LRP8: variants seen among roughly 807,000 people sequenced by gnomAD.
LRP8 encodes low-density lipoprotein receptor-related protein 8.
Under a neutral mutation model 111.6 loss-of-function variants are expected in LRP8, and 46 were observed. The observed-to-expected ratio is 0.41, with a 90% CI of 0.33 to 0.53. The LOEUF is 0.53. LRP8 is among the 20% of genes least tolerant of loss of function. The probability of loss-of-function intolerance (pLI) is 0.20; values close to 1 mark genes in which losing one functional copy is unlikely to be tolerated. For missense variants in LRP8, 959 were observed against 1,297.4 expected (o/e 0.74, Z 4.01); for synonymous variants, 464 against 511.2 (o/e 0.91, Z 1.24).
intron 2 of LRP8, among the ~76,000 whole-genome samples, chr1:53,309,503 T>C (rs1572656788): frequency 6.6e-6 from 1 of 151,836 alleles, no homozygotes; most frequent in Non-Finnish European, 1.5e-5. Context: ...CTGTGTGACG[T>C]TGGGGGAAGA....
chr1:53,270,973 C>T (rs1051126501), intron 8 of LRP8, 55 bp downstream of exon 8: 49 of 1,612,264 alleles, frequency 3.0e-5, no homozygotes, highest in Middle Eastern at 1.7e-4. Flanking sequence ...AGTGGAAGCA[C>T]GCTGCTTCCT....
At chr1:53,247,508 C>G (rs1645764147) in intron 18 of LRP8, among the ~76,000 whole-genome samples, 2 of 152,166 alleles carry the variant, frequency 1.3e-5, no homozygotes, top group Non-Finnish European at 2.9e-5. Context: ...ATATACTGCA[C>G]CTTCCCAACA....
At chr1:53,302,427 C>T (rs1050108570) in intron 2 of LRP8, among the ~76,000 whole-genome samples, 2 of 152,116 alleles carry the variant, frequency 1.3e-5, no homozygotes, top group Non-Finnish European at 2.9e-5. Flanking sequence ...TTGGAGACCA[C>T]CAAGGTCGGT....
rs896669906 is a variant in LRP8 at position 53,242,394 on chromosome 1, G to C, written c.*4624C>G. 1 of 151,992 alleles carries C rather than the reference G, an allele frequency of 6.6e-6. No individual in the cohort carries two copies. Among genetic ancestry groups the C allele is most frequent in the Non-Finnish European group, 1.5e-5 (1 of 68,016 alleles). The allele number at this position is 151,992 out of a possible 1,614,324, so 9.4% of individuals were successfully genotyped here. A position where few individuals can be genotyped will look rare whatever the true frequency, so the allele number is the denominator to read the frequency against. Reference sequence around the variant, plus strand: ...TTTAAATGAATTTAATCTCTCTCTAGAAACAGTGCACTGATTTTACAAATG... The same window carrying C: ...TTTAAATGAATTTAATCTCTCTCTACAAACAGTGCACTGATTTTACAAATG... On this transcript the variant is annotated 3_prime_UTR_variant, in exon 19 of 19. Coordinates refer to ENST00000306052, the MANE Select transcript of LRP8 (RefSeq NM_004631.5).
Position 53,262,614 on chromosome 1 carries a change from G to A in LRP8, c.1656-50C>T. On this transcript the variant is annotated intron_variant, in intron 10 of 18. Coordinates refer to ENST00000306052, the MANE Select transcript of LRP8 (RefSeq NM_004631.5). This position sits in a 1 kb window ranked among gnomAD's most constrained non-coding sequence, Gnocchi z 4.8. ...GCCTTCTTGCTGGGGACATGACCGG[G>A]GTGGTCTGAGTCACAAGAGCTCAAT... is the stretch of plus-strand genomic sequence containing the variant. 1 of 1,467,044 alleles carries A rather than the reference G, an allele frequency of 6.8e-7. No homozygotes were observed. Among genetic ancestry groups the A allele is most frequent in the Middle Eastern group, 1.7e-4 (1 of 5,788 alleles). 90.9% of individuals were successfully genotyped at this position (1,467,044 alleles called of 1,614,324 possible). A position where few individuals can be genotyped will look rare whatever the true frequency, so the allele number is the denominator to read the frequency against.
At chr1:53,327,048 A>C in intron 1 of LRP8, 56 bp from the exon 2 acceptor site, 1 of 1,595,574 alleles carries the variant, frequency 6.3e-7, no homozygotes, top group South Asian at 1.1e-5. Flanking sequence ...ACTCCCCACC[A>C]TGCAGTCCGG....
At chr1:53,313,023 T>C (rs1653284967) in intron 2 of LRP8, among the ~76,000 whole-genome samples, 1 of 152,112 alleles carries the variant, frequency 6.6e-6, no homozygotes. Context: ...GGAGGGCAAG[T>C]TCTGGTCTAG....
At chr1:53,307,090 G>T (rs1038322604) in intron 2 of LRP8, among the ~76,000 whole-genome samples, 3 of 152,104 alleles carry the variant, frequency 2.0e-5, no homozygotes, top group Non-Finnish European at 2.9e-5. Flanking sequence ...CTGAGTAGGG[G>T]GGGTGGTACT....
intron 1 of LRP8, 106 bp downstream of exon 1, chr1:53,327,683 C>A (rs1655341136): frequency 2.3e-6 from 3 of 1,298,696 alleles, no homozygotes; most frequent in Non-Finnish European, 2.9e-6. Context: ...GCCCGGGAGC[C>A]CCCGATAGCC....
chr1:53,326,227 C>A (rs572695382), intron 2 of LRP8, among the ~76,000 whole-genome samples: 16 of 152,362 alleles, frequency 1.1e-4, no homozygotes, highest in Admixed American at 9.1e-4. Context: ...AAGCGGCGCC[C>A]GAGCCCCGCC....
chr1:53,310,375 G>A (rs962413909), intron 2 of LRP8, among the ~76,000 whole-genome samples: 13 of 151,960 alleles, frequency 8.6e-5, no homozygotes, highest in Admixed American at 3.3e-4. Context: ...TGACTCAGAT[G>A]TTCTGTCTCC....
chr1:53,262,272 A>C lies in LRP8; in HGVS notation c.1775-65T>G, dbSNP rs1572462297. 1.3e-6 allele frequency: 2 copies of C among 1,596,700 alleles called. No individual in the cohort carries two copies. The highest frequency in any genetic ancestry group is 2.2e-5 in the South Asian group (2 of 89,632). On this transcript the variant is annotated intron_variant, in intron 11 of 18. Coordinates refer to ENST00000306052, the MANE Select transcript of LRP8 (RefSeq NM_004631.5). This position sits in a 1 kb window ranked among gnomAD's most constrained non-coding sequence, Gnocchi z 4.8. The stretch of plus-strand genomic sequence containing the variant: ...CCAGTCTGGAGCTCTGTTCCTTTGT[A>C]CCTCTCCCTGCCCACATTTCTAGGC...
intron 2 of LRP8, among the ~76,000 whole-genome samples, chr1:53,311,951 C>T (rs1423035904): frequency 6.6e-6 from 1 of 152,246 alleles, no homozygotes; most frequent in Non-Finnish European, 1.5e-5. Flanking sequence ...GCCTTGTCGA[C>T]TGCAGAGACT....
chr1:53,292,526 A>G (rs1174029693), intron 2 of LRP8, among the ~76,000 whole-genome samples: 1 of 152,208 alleles, frequency 6.6e-6, no homozygotes, highest in African/African-American at 2.4e-5. Context: ...ATCTTAAAGT[A>G]AGTACCAATA....
At chr1:53,321,838 G>A (rs915988549) in intron 2 of LRP8, among the ~76,000 whole-genome samples, 3 of 152,146 alleles carry the variant, frequency 2.0e-5, no homozygotes, top group African/African-American at 7.2e-5. Flanking sequence ...CAGGACAGAA[G>A]CCAGCCTCTA....
intron 3 of LRP8, among the ~76,000 whole-genome samples, chr1:53,286,888 C>T (rs1647642050): frequency 6.6e-6 from 1 of 152,254 alleles, no homozygotes; most frequent in South Asian, 2.1e-4. Context: ...GCCATTTACT[C>T]CAGCGATGAT....
Position 53,245,473 on chromosome 1 carries a change from G to A in LRP8, c.*1545C>T, listed in dbSNP as rs1413167594. 1.3e-5 allele frequency: 2 copies of A among 152,204 alleles called. No homozygotes were observed. Among genetic ancestry groups the A allele is most frequent in the Admixed American group, 6.5e-5 (1 of 15,280 alleles). The allele number at this position is 152,204 out of a possible 1,614,324, so 9.4% of individuals were successfully genotyped here. ...TGGGAGACCCCACAAGTAGAAAAGAGCACTTCTCCCTTCCTCCCCCAAGGC... is the reference window on the plus strand; with the variant it reads ...TGGGAGACCCCACAAGTAGAAAAGAACACTTCTCCCTTCCTCCCCCAAGGC... On this transcript the variant is annotated 3_prime_UTR_variant, in exon 19 of 19. Coordinates refer to ENST00000306052, the MANE Select transcript of LRP8 (RefSeq NM_004631.5).
intron 2 of LRP8, among the ~76,000 whole-genome samples, chr1:53,325,246 G>A (rs890245358): frequency 6.6e-6 from 1 of 152,240 alleles, no homozygotes; most frequent in Non-Finnish European, 1.5e-5. Flanking sequence ...AGATGCTTAA[G>A]TTCAGGCTCC....
At position 53,277,039 on chromosome 1, in the gene LRP8, C is replaced by T; in HGVS notation, c.536G>A (p.Cys179Tyr). 1 of 1,522,942 alleles carries T rather than the reference C, an allele frequency of 6.6e-7. No individual in the cohort carries two copies. Among genetic ancestry groups the T allele is most frequent in the Non-Finnish European group, 8.8e-7 (1 of 1,140,266 alleles). The allele number at this position is 1,522,942 out of a possible 1,614,324, so 94.3% of individuals were successfully genotyped here. Residue 179 changes from cysteine (C) to tyrosine (Y), a missense_variant, in exon 5 of 19, where the codon TGC becomes TAC. Cys to Tyr is a radical substitution (Grantham distance 194, BLOSUM62 -2). Around this residue, in one of 3 missense-constraint regions of LRP8, gnomAD observed 819 missense variants for 1,097.6 expected, o/e 0.75. Transcript: ENST00000306052. ...GTCGCACACGAACACGGCGGCCAGG[C>T]ACGAGCGGTTGCCGCACTGGAACTC... ...PHEFQCGNRS[C>Y]LAAVFVCDGD...
Sources: allele counts gnomAD v4.1 joint callset (sites outside exome capture counted in the v4.1 genomes callset), GRCh38; gene constraint gnomAD v4.1.1; regional missense constraint gnomAD v4.1.1; non-coding constraint Gnocchi (gnomAD v3.1); transcripts MANE v1.5; gene names NCBI Gene and HGNC (gene_info 2026-07-23, HGNC 2026-07-21).